The following PURA variants were observed in gnomAD, a reference collection of about 807,000 sequenced individuals.
The protein encoded by PURA is purine rich element binding protein A.
A neutral mutation model predicts 23.1 loss-of-function variants in PURA; 2 were observed. That is an observed-to-expected ratio of 0.09 (90% CI 0.04 to 0.27). The LOEUF is 0.27. Ranked by LOEUF, PURA falls within the 10% of genes least tolerant of loss-of-function variation. PURA has a pLI of 1.00. For synonymous variants in PURA, 254 were observed against 205.9 expected (o/e 1.23, Z -2.00); for missense variants, 187 against 449.7 (o/e 0.42, Z 5.28).
chr5:140,114,211 G>A lies in PURA; in HGVS notation c.30G>A (p.Gln10=). The change falls in exon 1 of 1, where the codon CAG becomes CAA. Residue 10 remains glutamine, a synonymous_variant. Coordinates refer to ENST00000331327, the MANE Select transcript of PURA (RefSeq NM_005859.5). MADRDSGSE[Q]GGAALGSGGS... ...CGGACCGAGACAGCGGCAGCGAGCA[G>A]GGTGGTGCGGCGCTGGGTTCGGGCG... 1.0e-6 allele frequency: 1 copy of A among 959,420 alleles called. No homozygotes were observed. Among genetic ancestry groups the A allele is most frequent in the Non-Finnish European group, 1.3e-6 (1 of 751,034 alleles). The allele number at this position is 959,420 out of a possible 1,614,324, so 59.4% of individuals were successfully genotyped here. A position where few individuals can be genotyped will look rare whatever the true frequency, so the allele number is the denominator to read the frequency against.
rs1424787740 is a variant in PURA at position 140,120,445 on chromosome 5, A to G, written c.*5295A>G. 1.2e-5 allele frequency: 2 copies of G among 166,802 alleles called. No individual in the cohort carries two copies. Among genetic ancestry groups the G allele is most frequent in the African/African-American group, 4.8e-5 (2 of 41,454 alleles). The allele number at this position is 166,802 out of a possible 1,614,324, so 10.3% of individuals were successfully genotyped here. ...AATTTTGGCCATTCATAAGTATGCT[A>G]TAAAACTAAAGTGATCACTGCTATT... On this transcript the variant is annotated 3_prime_UTR_variant, in exon 1 of 1. Transcript: ENST00000331327.
Position 140,115,205 on chromosome 5 carries a change from CCA to C in PURA, c.*64_*65del. On this transcript the variant is annotated 3_prime_UTR_variant, in exon 1 of 1. Coordinates refer to ENST00000331327, the MANE Select transcript of PURA (RefSeq NM_005859.5). This position sits in a 1 kb window ranked among gnomAD's most constrained non-coding sequence, Gnocchi z 4.1. ...CACATGCATACACACACACACACAGCCACACACACAGAAAATATACTGTAAAG... is the reference window on the plus strand; with the variant it reads ...CACATGCATACACACACACACACAGCCACACACAGAAAATATACTGTAAAG... The C allele has an allele frequency of 3.1e-6, 3 of 966,970 alleles. No homozygotes were observed. The highest frequency in any genetic ancestry group is 3.8e-5 in the South Asian group (2 of 52,672). 59.9% of individuals were successfully genotyped at this position (966,970 alleles called of 1,614,324 possible). A position where few individuals can be genotyped will look rare whatever the true frequency, so the allele number is the denominator to read the frequency against.
rs1763032216 is a variant in PURA, at chr5:140,114,114, CG to C, written c.-66del. 6.1e-6 allele frequency: 2 copies of C among 327,584 alleles called. No homozygotes were observed. Among genetic ancestry groups the C allele is most frequent in the East Asian group, 1.2e-4 (2 of 16,498 alleles). 20.3% of individuals were successfully genotyped at this position (327,584 alleles called of 1,614,324 possible). On this transcript the variant is annotated 5_prime_UTR_variant, in exon 1 of 1. Transcript: ENST00000331327. Reference sequence around the variant, plus strand: ...CGGAGCCGGGGAGGGAAAGCAGCGGCGGCTGAGGCGACTGAGGCGGCGGGCG... The same window carrying C: ...CGGAGCCGGGGAGGGAAAGCAGCGGCGCTGAGGCGACTGAGGCGGCGGGCG...
rs1175696266 is a variant in PURA, at chr5:140,123,553, A to G, written c.*8403A>G. 44 of 166,476 alleles carry G rather than the reference A, an allele frequency of 2.6e-4. No homozygotes were observed. Among genetic ancestry groups the G allele is most frequent in the Non-Finnish European group, 1.5e-5 (1 of 68,044 alleles). 10.3% of individuals were successfully genotyped at this position (166,476 alleles called of 1,614,324 possible). On this transcript the variant is annotated 3_prime_UTR_variant, in exon 1 of 1. Transcript: ENST00000331327. ...GCAAAAATTATATGCAATTAAAAAT[A>G]TTTTATAAGGCCAAGAAAATATTTC... is the stretch of plus-strand genomic sequence containing the variant.
At position 140,124,676 on chromosome 5, in the gene PURA, T is replaced by G; in HGVS notation, c.*9526T>G. 1 of 167,006 alleles carries G rather than the reference T, an allele frequency of 6.0e-6. No homozygotes were observed. The allele number at this position is 167,006 out of a possible 1,614,324, so 10.3% of individuals were successfully genotyped here. A position where few individuals can be genotyped will look rare whatever the true frequency, so the allele number is the denominator to read the frequency against. ...GTGTATATTTGATTCTAGATAATCC[T>G]TTACTCAAAATCATAAGTTAAAGAT... On this transcript the variant is annotated 3_prime_UTR_variant, in exon 1 of 1. Coordinates refer to ENST00000331327, the MANE Select transcript of PURA (RefSeq NM_005859.5).
rs1384348348 is a variant in PURA, at chr5:140,124,209, G to A, written c.*9059G>A. On this transcript the variant is annotated 3_prime_UTR_variant, in exon 1 of 1. Transcript: ENST00000331327. ...AATGGAACAGAGAGATGTGTTTTTG[G>A]CTAAAATTATTTTTTGTAAGTTATT... 1 of 166,822 alleles carries A rather than the reference G, an allele frequency of 6.0e-6. No homozygotes were observed. The highest frequency in any genetic ancestry group is 2.4e-5 in the African/African-American group (1 of 41,376). The allele number at this position is 166,822 out of a possible 1,614,324, so 10.3% of individuals were successfully genotyped here.
At position 140,114,362 on chromosome 5, in the gene PURA, C is replaced by T; in HGVS notation, c.181C>T (p.Leu61=). The change falls in exon 1 of 1, where the codon CTG becomes TTG. Residue 61 remains leucine, a synonymous_variant. Coordinates refer to ENST00000331327, the MANE Select transcript of PURA (RefSeq NM_005859.5). ...GGGGCTGCAGCACGAGACGCAGGAG[C>T]TGGCCTCCAAGCGGGTGGACATCCA... ...PGGLQHETQE[L]ASKRVDIQNK... 2 of 1,601,734 alleles carry T rather than the reference C, an allele frequency of 1.2e-6. No individual in the cohort carries two copies. Among genetic ancestry groups the T allele is most frequent in the South Asian group, 1.1e-5 (1 of 90,728 alleles).
Position 140,124,872 on chromosome 5 carries a change from G to A in PURA, c.*9722G>A, listed in dbSNP as rs1164816378. On this transcript the variant is annotated 3_prime_UTR_variant, in exon 1 of 1. Coordinates refer to ENST00000331327, the MANE Select transcript of PURA (RefSeq NM_005859.5). ...CGAAAATGAAAAAAATTTAGAAAGC[G>A]ATTTGATTATTTTTTAATGGAGTTT... is the stretch of plus-strand genomic sequence containing the variant. The A allele has an allele frequency of 1.2e-5, 2 of 166,824 alleles. No individual in the cohort carries two copies. The highest frequency in any genetic ancestry group is 1.9e-4 in the East Asian group (1 of 5,204). 10.3% of individuals were successfully genotyped at this position (166,824 alleles called of 1,614,324 possible). A position where few individuals can be genotyped will look rare whatever the true frequency, so the allele number is the denominator to read the frequency against.
In PURA at chr5:140,117,142, C is replaced by G. The variant is rs1763089388; in HGVS notation, c.*1992C>G. 1 of 166,898 alleles carries G rather than the reference C, an allele frequency of 6.0e-6. No homozygotes were observed. The highest frequency in any genetic ancestry group is 1.5e-5 in the Non-Finnish European group (1 of 68,092). 10.3% of individuals were successfully genotyped at this position (166,898 alleles called of 1,614,324 possible). On this transcript the variant is annotated 3_prime_UTR_variant, in exon 1 of 1. Coordinates refer to ENST00000331327, the MANE Select transcript of PURA (RefSeq NM_005859.5). Reference sequence around the variant, plus strand: ...CTATTTTCATTGTACTGTGCATTTTCCCATTAAATTGTTTGCTTTTAATAT... The same window carrying G: ...CTATTTTCATTGTACTGTGCATTTTGCCATTAAATTGTTTGCTTTTAATAT...
Position 140,122,845 on chromosome 5 carries a change from G to T in PURA, c.*7695G>T. On this transcript the variant is annotated 3_prime_UTR_variant, in exon 1 of 1. Coordinates refer to ENST00000331327, the MANE Select transcript of PURA (RefSeq NM_005859.5). ...AAGTTACATAATTCAAGTATGTTTG[G>T]ATTAACTCTTTGTTGTCAAATTTAG... 6.0e-6 allele frequency: 1 copy of T among 166,724 alleles called. No homozygotes were observed. The allele number at this position is 166,724 out of a possible 1,614,324, so 10.3% of individuals were successfully genotyped here. A position where few individuals can be genotyped will look rare whatever the true frequency, so the allele number is the denominator to read the frequency against.
Position 140,116,666 on chromosome 5 carries a change from CAACT to C in PURA, c.*1521_*1524del, listed in dbSNP as rs1022573914. On this transcript the variant is annotated 3_prime_UTR_variant, in exon 1 of 1. Transcript: ENST00000331327. ...AAGATGTTTGTGTGCTTTTAATTGA[CAACT>C]AACTTCTTGCTGCTGTATAGTAAAA... The C allele has an allele frequency of 1.6e-4, 26 of 166,932 alleles. No homozygotes were observed. Among genetic ancestry groups the C allele is most frequent in the African/African-American group, 4.3e-4 (18 of 41,422 alleles). 10.3% of individuals were successfully genotyped at this position (166,932 alleles called of 1,614,324 possible).
chr5:140,122,070 A>T lies in PURA; in HGVS notation c.*6920A>T, dbSNP rs1044879712. The T allele has an allele frequency of 7.2e-5, 12 of 166,836 alleles. No homozygotes were observed. Among genetic ancestry groups the T allele is most frequent in the African/African-American group, 2.7e-4 (11 of 41,420 alleles). 10.3% of individuals were successfully genotyped at this position (166,836 alleles called of 1,614,324 possible). A position where few individuals can be genotyped will look rare whatever the true frequency, so the allele number is the denominator to read the frequency against. On this transcript the variant is annotated 3_prime_UTR_variant, in exon 1 of 1. Transcript: ENST00000331327. The stretch of plus-strand genomic sequence containing the variant: ...AATGGGTCCCTCATTGATTATGAGA[A>T]AGCTGTTAGTTACTATAGCTAGAGT...
Position 140,114,580 on chromosome 5 carries a change from C to T in PURA, c.399C>T (p.Ala133=), listed in dbSNP as rs1581036351. The part of the protein sequence containing the change: ...QLGPSQPPDL[A]QAQDEPRRAL... ...GCCCCAGCCAGCCGCCGGACCTGGC[C>T]CAGGCGCAGGACGAGCCGCGCCGGG... is the stretch of plus-strand genomic sequence containing the variant. Residue 133 remains alanine, a synonymous_variant, in exon 1 of 1, where the codon GCC becomes GCT. Coordinates refer to ENST00000331327, the MANE Select transcript of PURA (RefSeq NM_005859.5). 1 of 1,603,384 alleles carries T rather than the reference C, an allele frequency of 6.2e-7. No homozygotes were observed. The highest frequency in any genetic ancestry group is 1.3e-5 in the African/African-American group (1 of 74,936).
rs201822080 is a variant in PURA, at chr5:140,114,631, C to T, written c.450C>T (p.Arg150=). 19 of 1,609,328 alleles carry T rather than the reference C, an allele frequency of 1.2e-5. No individual in the cohort carries two copies. In the East Asian group the frequency reaches 3.1e-4, roughly 26 times the overall value. The part of the protein sequence containing the change: ...RRALKSEFLV[R]ENRKYYMDLK... ...CGCTCAAAAGCGAGTTCCTGGTGCG[C>T]GAGAACCGCAAGTACTACATGGATC... The change falls in exon 1 of 1, where the codon CGC becomes CGT. Residue 150 remains arginine, a synonymous_variant. Coordinates refer to ENST00000331327, the MANE Select transcript of PURA (RefSeq NM_005859.5).
In PURA at chr5:140,115,232, G is replaced by C; in HGVS notation, c.*82G>C. On this transcript the variant is annotated 3_prime_UTR_variant, in exon 1 of 1. Coordinates refer to ENST00000331327, the MANE Select transcript of PURA (RefSeq NM_005859.5). The surrounding 1 kb of genome is among the most constrained non-coding windows in gnomAD (Gnocchi z 4.1). ...ACACACACAGAAAATATACTGTAAA[G>C]AAAGAGAGAAAATAAAAAGTTAAAA... The C allele has an allele frequency of 1.3e-6, 1 of 741,354 alleles. No homozygotes were observed. Among genetic ancestry groups the C allele is most frequent in the Non-Finnish European group, 1.9e-6 (1 of 522,512 alleles). The allele number at this position is 741,354 out of a possible 1,614,324, so 45.9% of individuals were successfully genotyped here.
Position 140,114,700 on chromosome 5 carries a change from G to A in PURA, c.519G>A (p.Thr173=), listed in dbSNP as rs764069152. ...QRGRFLRIRQ[T]VNRGPGLGST... is the part of the protein sequence containing the mutation. ...GCCGCTTCCTGCGCATCCGCCAGACGGTCAACCGGGGGCCTGGCCTGGGCT... is the reference window on the plus strand; with the variant it reads ...GCCGCTTCCTGCGCATCCGCCAGACAGTCAACCGGGGGCCTGGCCTGGGCT... Residue 173 remains threonine, a synonymous_variant, in exon 1 of 1, where the codon ACG becomes ACA. Transcript: ENST00000331327. 3.7e-6 allele frequency: 6 copies of A among 1,612,750 alleles called. No homozygotes were observed. The highest frequency in any genetic ancestry group is 4.2e-6 in the Non-Finnish European group (5 of 1,179,810).
Position 140,115,525 on chromosome 5 carries a change from CTAT to C in PURA, c.*384_*386del, listed in dbSNP as rs768380068. 13 of 170,730 alleles carry C rather than the reference CTAT, an allele frequency of 7.6e-5. No individual in the cohort carries two copies. Among genetic ancestry groups the C allele is most frequent in the South Asian group, 2.0e-4 (1 of 4,894 alleles). 10.6% of individuals were successfully genotyped at this position (170,730 alleles called of 1,614,324 possible). On this transcript the variant is annotated 3_prime_UTR_variant, in exon 1 of 1. Transcript: ENST00000331327. This position sits in a 1 kb window ranked among gnomAD's most constrained non-coding sequence, Gnocchi z 4.1. ...CCAAGAACTTTTGTACACGTTTAAG[CTAT>C]TATTATTAAAAAGTGTTTGCAAAAT... is the stretch of plus-strand genomic sequence containing the variant.
rs1763089350 is a variant in PURA at position 140,117,136 on chromosome 5, C to T, written c.*1986C>T. The T allele has an allele frequency of 6.0e-6, 1 of 166,968 alleles. No individual in the cohort carries two copies. The allele number at this position is 166,968 out of a possible 1,614,324, so 10.3% of individuals were successfully genotyped here. A position where few individuals can be genotyped will look rare whatever the true frequency, so the allele number is the denominator to read the frequency against. ...AACAAGCTATTTTCATTGTACTGTG[C>T]ATTTTCCCATTAAATTGTTTGCTTT... On this transcript the variant is annotated 3_prime_UTR_variant, in exon 1 of 1. Coordinates refer to ENST00000331327, the MANE Select transcript of PURA (RefSeq NM_005859.5).
rs946700752 is a variant in PURA, at chr5:140,118,709, G to A, written c.*3559G>A. The stretch of plus-strand genomic sequence containing the variant: ...TTCCAGCTTCTCAAAAAGCCATGGA[G>A]AGTAGAAACCAAAACCAACAGGGAA... On this transcript the variant is annotated 3_prime_UTR_variant, in exon 1 of 1. Coordinates refer to ENST00000331327, the MANE Select transcript of PURA (RefSeq NM_005859.5). The A allele has an allele frequency of 1.2e-5, 2 of 166,904 alleles. No homozygotes were observed. The highest frequency in any genetic ancestry group is 2.9e-5 in the Non-Finnish European group (2 of 68,042). The allele number at this position is 166,904 out of a possible 1,614,324, so 10.3% of individuals were successfully genotyped here. A position where few individuals can be genotyped will look rare whatever the true frequency, so the allele number is the denominator to read the frequency against.
Sources: allele counts gnomAD v4.1 joint callset, GRCh38; gene constraint gnomAD v4.1.1; non-coding constraint Gnocchi (gnomAD v3.1); transcripts MANE v1.5; gene names NCBI Gene and HGNC (gene_info 2026-07-23, HGNC 2026-07-21).